Variants in DPP10 observed in about 807,000 individuals in gnomAD.
DPP10 encodes inactive dipeptidyl peptidase 10.
Under a neutral mutation model 120.9 loss-of-function variants are expected in DPP10, and 33 were observed. That is an observed-to-expected ratio of 0.27 (90% CI 0.21 to 0.37). DPP10 has a LOEUF of 0.37. DPP10 is among the 10% of genes least tolerant of loss of function. DPP10 has a pLI of 1.00. For synonymous variants in DPP10, 337 were observed against 326.1 expected (o/e 1.03, Z -0.36); for missense variants, 816 against 942.8 (o/e 0.87, Z 1.76).
intron 1 of DPP10, among the ~76,000 whole-genome samples, chr2:114,800,830 T>G (rs1321277792): frequency 6.6e-6 from 1 of 152,144 alleles, no homozygotes; most frequent in African/African-American, 2.4e-5. Flanking sequence ...GTTAACATTT[T>G]GCAGACATCT....
intron 1 of DPP10, among the ~76,000 whole-genome samples, chr2:114,485,950 G>A (rs1286183559): frequency 1.3e-5 from 2 of 152,056 alleles, no homozygotes; most frequent in South Asian, 2.1e-4. Context: ...ACTTTGTTCC[G>A]CACTACCCAC....
At chr2:114,681,064 C>T (rs1698994103) in intron 1 of DPP10, among the ~76,000 whole-genome samples, 1 of 151,842 alleles carries the variant, frequency 6.6e-6, no homozygotes. Context: ...CCAAAAATAT[C>T]CTACCCAATT....
chr2:115,422,944 A>G (rs1032978676), intron 3 of DPP10, among the ~76,000 whole-genome samples: 5 of 152,120 alleles, frequency 3.3e-5, no homozygotes, highest in Non-Finnish European at 7.4e-5. Context: ...GTCTGGCCAT[A>G]GTCTTGAATT....
chr2:115,175,378 A>G (rs2053619700), intron 1 of DPP10, among the ~76,000 whole-genome samples: 1 of 152,148 alleles, frequency 6.6e-6, no homozygotes, highest in Non-Finnish European at 1.5e-5. Flanking sequence ...GGGCCAGAGA[A>G]GATGAAGGTC....
chr2:115,582,708 A>G (rs900238603), intron 5 of DPP10, among the ~76,000 whole-genome samples: 5 of 152,214 alleles, frequency 3.3e-5, no homozygotes, highest in Non-Finnish European at 5.9e-5. Flanking sequence ...TAAGAGCAAC[A>G]GCCGTATGTA....
At chr2:114,856,159 G>T (rs1247803264) in intron 1 of DPP10, among the ~76,000 whole-genome samples, 1 of 152,114 alleles carries the variant, frequency 6.6e-6, no homozygotes, top group Non-Finnish European at 1.5e-5. Context: ...AAAGGGATTT[G>T]ACTTTTTTGG....
chr2:115,493,517 G>GA (rs35641137), intron 3 of DPP10, among the ~76,000 whole-genome samples: 50,604 of 144,186 alleles, frequency 0.35, 9,847 homozygotes, highest in East Asian at 0.63. Context: ...AGAGCTGTTG[G>GA]AAAAAAAAAA....
chr2:115,255,652 A>C (rs1353141651), intron 1 of DPP10, among the ~76,000 whole-genome samples: 1 of 152,114 alleles, frequency 6.6e-6, no homozygotes, highest in Admixed American at 6.5e-5. Context: ...ATCCTAGATC[A>C]TCTCTCTCAG....
At chr2:114,583,097 G>A (rs1052273065) in intron 1 of DPP10, among the ~76,000 whole-genome samples, 5 of 152,206 alleles carry the variant, frequency 3.3e-5, no homozygotes, top group African/African-American at 1.2e-4. Flanking sequence ...AGTTTGTTAG[G>A]CTCTCTTCTT....
At chr2:114,891,960 C>T (rs1692578688) in intron 1 of DPP10, among the ~76,000 whole-genome samples, 1 of 152,156 alleles carries the variant, frequency 6.6e-6, no homozygotes, top group African/African-American at 2.4e-5. Flanking sequence ...TGTCTGTCTG[C>T]CTGATTCATT....
intron 1 of DPP10, among the ~76,000 whole-genome samples, chr2:114,975,929 A>T (rs1459984823): frequency 6.6e-6 from 1 of 152,166 alleles, no homozygotes; most frequent in African/African-American, 2.4e-5. Flanking sequence ...GGGATTACAG[A>T]TGTGAGCCAC....
At chr2:115,008,927 C>G (rs1220032207) in intron 1 of DPP10, among the ~76,000 whole-genome samples, 2 of 95,012 alleles carry the variant, frequency 2.1e-5, no homozygotes, top group African/African-American at 3.6e-5. Flanking sequence ...AGTCAGGAAA[C>G]AACAGGTGCT....
intron 3 of DPP10, among the ~76,000 whole-genome samples, chr2:115,457,799 C>T (rs1445658890): frequency 6.6e-6 from 1 of 152,058 alleles, no homozygotes; most frequent in Non-Finnish European, 1.5e-5. Context: ...CCCAGTAATT[C>T]CACTGTTATT....
chr2:114,568,088 G>A (rs2104992714), intron 1 of DPP10, among the ~76,000 whole-genome samples: 1 of 150,542 alleles, frequency 6.6e-6, no homozygotes, highest in East Asian at 1.9e-4. Flanking sequence ...TTGGGTAACT[G>A]GTAAGTGGTT....
chr2:114,786,719 G>T (rs971169833), intron 1 of DPP10, among the ~76,000 whole-genome samples: 1 of 152,168 alleles, frequency 6.6e-6, no homozygotes, highest in Non-Finnish European at 1.5e-5. Flanking sequence ...CACTGATCTG[G>T]TTACTGGTAA....
intron 4 of DPP10, among the ~76,000 whole-genome samples, chr2:115,515,454 A>G (rs2148855540): frequency 6.6e-6 from 1 of 152,152 alleles, no homozygotes; most frequent in South Asian, 2.1e-4. Flanking sequence ...ATTATGAGAG[A>G]GGTTGAGAAT....
intron 5 of DPP10, among the ~76,000 whole-genome samples, chr2:115,643,449 A>G (rs1313688318): frequency 1.3e-5 from 2 of 152,194 alleles, no homozygotes; most frequent in African/African-American, 4.8e-5. Context: ...GTCTACCTGT[A>G]TAGACTGCGA....
chr2:115,009,435 G>A (rs1210099527), intron 1 of DPP10, among the ~76,000 whole-genome samples: 2 of 152,058 alleles, frequency 1.3e-5, no homozygotes, highest in East Asian at 3.9e-4. Context: ...TGTGGGGTGG[G>A]GGTTGGTGGG....
intron 1 of DPP10, among the ~76,000 whole-genome samples, chr2:114,737,648 G>A (rs2105970911): frequency 6.6e-6 from 1 of 152,266 alleles, no homozygotes; most frequent in Middle Eastern, 3.4e-3. Flanking sequence ...AGAGTCACAT[G>A]GTGATCTGAA....
Sources: gnomAD v4.1 joint callset for allele counts (sites outside exome capture counted in the v4.1 genomes callset) on GRCh38, gnomAD v4.1.1 for gene constraint, MANE v1.5 for transcripts, NCBI Gene and HGNC (gene_info 2026-07-23, HGNC 2026-07-21) for gene names.